PTGES3: variants seen among roughly 807,000 people sequenced by gnomAD.
PTGES3 encodes the protein Hsp90 co-chaperone.
PTGES3 carries 5 observed loss-of-function variants against 29.9 expected under a neutral mutation model. The observed-to-expected ratio is 0.17, with a 90% confidence interval of 0.09 to 0.35. The LOEUF is 0.35. Among genes scored for constraint, PTGES3 ranks in the 10% least tolerant of loss-of-function variants. The probability of loss-of-function intolerance (pLI) is 1.00; values close to 1 mark genes in which losing one functional copy is unlikely to be tolerated. For missense variants in PTGES3, 128 were observed against 190.0 expected (o/e 0.67, Z 1.92); for synonymous variants, 49 against 57.8 (o/e 0.85, Z 0.69).
chr12:56,685,961 GA>G (rs1365449275), intron 1 of PTGES3, among the ~76,000 whole-genome samples: 1 of 151,402 alleles, frequency 6.6e-6, no homozygotes, highest in African/African-American at 2.4e-5. Flanking sequence ...ATTTTTAGTA[GA>G]AACGGGGTTT....
intron 6 of PTGES3, chr12:56,665,560 A>C: frequency 7.1e-6 from 7 of 985,290 alleles, no homozygotes; most frequent in Non-Finnish European, 8.4e-6. Flanking sequence ...CCCAATGTCC[A>C]TCTGTTTTAT....
intron 1 of PTGES3, among the ~76,000 whole-genome samples, chr12:56,679,586 T>C (rs1952432668): frequency 6.6e-6 from 1 of 152,158 alleles, no homozygotes; most frequent in South Asian, 2.1e-4. Flanking sequence ...TAGCCAGTGT[T>C]AGCAGAAAGG....
chr12:56,685,296 A>G (rs1446045547), intron 1 of PTGES3, among the ~76,000 whole-genome samples: 4 of 152,136 alleles, frequency 2.6e-5, no homozygotes, highest in Admixed American at 1.3e-4. Context: ...ATTATTTTTA[A>G]AAGAATATTT....
chr12:56,686,925 A>C (rs929914253), intron 1 of PTGES3: 5 of 397,644 alleles, frequency 1.3e-5, no homozygotes, highest in East Asian at 3.6e-5. Context: ...AGTCTAAAAC[A>C]AAAGAAAAAA....
intron 1 of PTGES3, among the ~76,000 whole-genome samples, chr12:56,684,532 T>C (rs1257987225): frequency 2.0e-5 from 3 of 152,172 alleles, no homozygotes; most frequent in Non-Finnish European, 4.4e-5. Context: ...CACAGCTGAA[T>C]GACAGGAAGA....
At chr12:56,666,621 T>G (rs550284514) in intron 5 of PTGES3, among the ~76,000 whole-genome samples, 1 of 151,856 alleles carries the variant, frequency 6.6e-6, no homozygotes, top group East Asian at 1.9e-4. Context: ...AGGTGGAACA[T>G]GTATTAAGGT....
chr12:56,668,795 A>T (rs968912798), intron 5 of PTGES3, among the ~76,000 whole-genome samples: 1 of 152,268 alleles, frequency 6.6e-6, no homozygotes, highest in Non-Finnish European at 1.5e-5. Flanking sequence ...TAGCAACAAG[A>T]AATGGATTTC....
At chr12:56,682,393 C>T (rs1270776213) in intron 1 of PTGES3, among the ~76,000 whole-genome samples, 2 of 151,878 alleles carry the variant, frequency 1.3e-5, no homozygotes, top group Non-Finnish European at 2.9e-5. Context: ...GTGAGACCCC[C>T]GTCTCTAAAA....
chr12:56,671,604 C>A, intron 4 of PTGES3, 145 bp downstream of exon 4: 1 of 452,044 alleles, frequency 2.2e-6, no homozygotes, highest in Non-Finnish European at 4.0e-6. Flanking sequence ...CGTATTAAAA[C>A]TGAGTAGACA....
chr12:56,682,033 G>A (rs1213122314), intron 1 of PTGES3, among the ~76,000 whole-genome samples: 1 of 152,006 alleles, frequency 6.6e-6, no homozygotes, highest in Non-Finnish European at 1.5e-5. Context: ...TTTTAGTAGA[G>A]ACAGGGTTTC....
At chr12:56,670,414 G>A in intron 4 of PTGES3, 50 bp from the exon 5 acceptor site, 1 of 1,344,164 alleles carries the variant, frequency 7.4e-7, no homozygotes, top group Non-Finnish European at 1.1e-6. Flanking sequence ...TTTGCATTTG[G>A]CATGAACCTT....
Position 56,663,685 on chromosome 12 carries a change from T to TTTTTTTG in PTGES3, c.*793_*794insCAAAAAA, listed in dbSNP as rs1951687709. The TTTTTTTG allele has an allele frequency of 6.6e-6, 1 of 151,268 alleles. No individual in the cohort carries two copies. The highest frequency in any genetic ancestry group is 1.5e-5 in the Non-Finnish European group (1 of 67,618). 9.4% of individuals were successfully genotyped at this position (151,268 alleles called of 1,614,324 possible). A position where few individuals can be genotyped will look rare whatever the true frequency, so the allele number is the denominator to read the frequency against. ...CATAAATTGAGGTTTTCAGCCCGGG[T>TTTTTTTG]ATAAGCTGAATCAAAAAAAGGAAAT... On this transcript the variant is annotated 3_prime_UTR_variant, in exon 8 of 8. Coordinates refer to ENST00000262033, the MANE Select transcript of PTGES3 (RefSeq NM_006601.7).
At chr12:56,669,869 C>T (rs1951934771) in intron 5 of PTGES3, among the ~76,000 whole-genome samples, 1 of 151,210 alleles carries the variant, frequency 6.6e-6, no homozygotes. Context: ...CTTGGCCTCC[C>T]AAAGTGCTGG....
At chr12:56,684,630 T>C (rs189998239) in intron 1 of PTGES3, among the ~76,000 whole-genome samples, 4 of 152,238 alleles carry the variant, frequency 2.6e-5, no homozygotes, top group African/African-American at 9.6e-5. Flanking sequence ...ACTTCCAACA[T>C]CTCTAAAATA....
At chr12:56,677,248 C>CAA (rs35136696) in intron 1 of PTGES3, among the ~76,000 whole-genome samples, 16 of 110,100 alleles carry the variant, frequency 1.5e-4, no homozygotes, top group African/African-American at 2.8e-4. Flanking sequence ...CCGCACCACC[C>CAA]AAAAAAAAAA....
At chr12:56,669,349 C>T (rs565070826) in intron 5 of PTGES3, among the ~76,000 whole-genome samples, 19 of 152,256 alleles carry the variant, frequency 1.2e-4, no homozygotes, top group African/African-American at 2.9e-4. Context: ...TGCACCACTA[C>T]GCCCAGCTAA....
At chr12:56,675,521 C>CAAAAAAAAAAAAA in intron 1 of PTGES3, among the ~76,000 whole-genome samples, 1 of 92,056 alleles carries the variant, frequency 1.1e-5, no homozygotes, top group Non-Finnish European at 2.5e-5. Flanking sequence ...AGAATGAGAC[C>CAAAAAAAAAAAAA]AAAAAAAAAA....
chr12:56,676,231 C>CG (rs149558664), intron 1 of PTGES3, among the ~76,000 whole-genome samples: 278 of 122,908 alleles, frequency 2.3e-3, no homozygotes, highest in African/African-American at 8.6e-3. Context: ...GTCTCCCCCC[C>CG]CAAAAAAAAA....
At chr12:56,684,840 C>T (rs1042391299) in intron 1 of PTGES3, among the ~76,000 whole-genome samples, 13 of 152,234 alleles carry the variant, frequency 8.5e-5, no homozygotes, top group East Asian at 5.8e-4. Flanking sequence ...ACTTTTATAA[C>T]TTAGGATTTA....
Sources: allele counts gnomAD v4.1 joint callset (sites outside exome capture counted in the v4.1 genomes callset), GRCh38; gene constraint gnomAD v4.1.1; transcripts MANE v1.5; gene names NCBI Gene and HGNC (gene_info 2026-07-23, HGNC 2026-07-21).